PRIM2: variants seen among roughly 807,000 people sequenced by gnomAD.
The protein encoded by PRIM2 is DNA primase large subunit.
Under a neutral mutation model 67.3 loss-of-function variants are expected in PRIM2, and 39 were observed. The observed-to-expected ratio is 0.58, with a 90% CI of 0.45 to 0.76. The LOEUF (loss-of-function observed/expected upper bound fraction) is 0.76. Among genes scored for constraint, PRIM2 ranks in the 30% least tolerant of loss-of-function variants. The pLI is 0.00. For synonymous variants in PRIM2, 143 were observed against 198.7 expected, an observed-to-expected ratio of 0.72 and a Z score of 2.36; for missense variants, 398 against 598.7, an observed-to-expected ratio of 0.66 and a Z score of 3.50.
rs1179007536 is a variant in PRIM2, at chr6:57,461,438, C to T, written c.694-45949C>T. Among the ~76,000 whole-genome samples, 192 of 152,286 alleles carry T rather than the reference C, an allele frequency of 1.3e-3. 5 individuals carry two copies. In the East Asian group the frequency reaches 0.016, roughly 13 times the overall value. On this transcript the variant is annotated intron_variant, in intron 7 of 13. Transcript: ENST00000615550. ...TGACAAGTTCTGGCAACAGAAGTTTCTGGCAGATGTGTAAGTGCATTTTCA... is the reference window on the plus strand; with the variant it reads ...TGACAAGTTCTGGCAACAGAAGTTTTTGGCAGATGTGTAAGTGCATTTTCA...
intron 7 of PRIM2, among the ~76,000 whole-genome samples, chr6:57,426,848 C>T (rs1418752705): frequency 2.8e-4 from 42 of 152,158 alleles, no homozygotes; most frequent in African/African-American, 8.7e-4. Context: ...TACAATTTTC[C>T]GAAATTTTGA....
intron 7 of PRIM2, among the ~76,000 whole-genome samples, chr6:57,400,511 C>T (rs1770672118): frequency 6.6e-6 from 1 of 152,138 alleles, no homozygotes; most frequent in African/African-American, 2.4e-5. Flanking sequence ...CATGTCCTTT[C>T]TCTCTAGCTG....
At chr6:57,424,705 C>CA (rs1458369892) in intron 7 of PRIM2, among the ~76,000 whole-genome samples, 1 of 152,138 alleles carries the variant, frequency 6.6e-6, no homozygotes, top group Non-Finnish European at 1.5e-5. Flanking sequence ...ATTAAAAAGA[C>CA]ATTGAGTTGG....
intron 13 of PRIM2, among the ~76,000 whole-genome samples, chr6:57,633,271 C>T (rs1197330550): frequency 3.9e-5 from 6 of 152,176 alleles, no homozygotes; most frequent in African/African-American, 7.2e-5. Context: ...CATCCAAGAA[C>T]GGACTTTGGA....
At chr6:57,326,276 T>C in intron 5 of PRIM2, 2 of 375,394 alleles carry the variant, frequency 5.3e-6, no homozygotes, top group Non-Finnish European at 9.2e-6. Flanking sequence ...AATGTGTGCT[T>C]TATTAAAGCA....
At chr6:57,405,229 G>T (rs1770847075) in intron 7 of PRIM2, among the ~76,000 whole-genome samples, 1 of 152,290 alleles carries the variant, frequency 6.6e-6, no homozygotes, top group Non-Finnish European at 1.5e-5. Context: ...AATTTCTTCG[G>T]TCACTACAAA....
intron 7 of PRIM2, among the ~76,000 whole-genome samples, chr6:57,450,595 G>A (rs567810361): frequency 9.2e-5 from 14 of 152,170 alleles, no homozygotes; most frequent in Admixed American, 3.9e-4. Flanking sequence ...CTAATTTAAC[G>A]TGTTAATATC....
At chr6:57,642,466 G>T (rs1777259348) in intron 13 of PRIM2, among the ~76,000 whole-genome samples, 1 of 77,244 alleles carries the variant, frequency 1.3e-5, no homozygotes, top group Non-Finnish European at 2.5e-5. Flanking sequence ...TTTTTGAGAC[G>T]GAGTTTCGCT....
At chr6:57,359,251 G>A (rs896942002) in intron 5 of PRIM2, among the ~76,000 whole-genome samples, 6 of 152,210 alleles carry the variant, frequency 3.9e-5, no homozygotes, top group Non-Finnish European at 8.8e-5. Flanking sequence ...GGAGCTCTGG[G>A]ATGCCATTAA....
At chr6:57,301,798 G>A in the PRIM2 span, among the ~76,000 whole-genome samples, 1 of 152,136 alleles carries the variant, frequency 6.6e-6, no homozygotes, top group Non-Finnish European at 1.5e-5. Context: ...CTCTAGCCTG[G>A]GCGACAGGGC....
intron 12 of PRIM2, among the ~76,000 whole-genome samples, chr6:57,627,954 T>C (rs1776981409): frequency 6.6e-6 from 1 of 152,230 alleles, no homozygotes; most frequent in Non-Finnish European, 1.5e-5. Context: ...AGCATCAGAA[T>C]GGACCCTTGA....
upstream of PRIM2, among the ~76,000 whole-genome samples, chr6:57,311,270 T>C (rs1480641160): frequency 0.04 from 1,162 of 29,300 alleles, no homozygotes; most frequent in East Asian, 0.055. Flanking sequence ...CGCTCCTCAC[T>C]TCCCAGACGG....
chr6:57,314,172 G>T (rs951002882), upstream of PRIM2, among the ~76,000 whole-genome samples: 9 of 152,226 alleles, frequency 5.9e-5, no homozygotes, highest in Non-Finnish European at 1.5e-5. Flanking sequence ...TCTGTTTAAT[G>T]GGAAGCTGAA....
chr6:57,561,785 G>A (rs1286089330), intron 10 of PRIM2, among the ~76,000 whole-genome samples: 2 of 152,078 alleles, frequency 1.3e-5, no homozygotes, highest in African/African-American at 4.8e-5. Flanking sequence ...TCACAGCTTG[G>A]CTGTTTGGCA....
At chr6:57,269,025 G>C in the PRIM2 span, among the ~76,000 whole-genome samples, 2 of 151,616 alleles carry the variant, frequency 1.3e-5, no homozygotes, top group Admixed American at 1.3e-4. Context: ...TCTTAATCCA[G>C]TCTATCATTG....
chr6:57,273,516 T>C, the PRIM2 span, among the ~76,000 whole-genome samples: 1 of 152,252 alleles, frequency 6.6e-6, no homozygotes, highest in Non-Finnish European at 1.5e-5. Context: ...GTTATTCTAG[T>C]TATGCATTCG....
the PRIM2 span, among the ~76,000 whole-genome samples, chr6:57,301,929 G>A: frequency 1.3e-5 from 2 of 152,348 alleles, no homozygotes; most frequent in East Asian, 3.9e-4. Flanking sequence ...TGAATGTGAT[G>A]TAACTCTGGT....
chr6:57,288,807 G>A, the PRIM2 span, among the ~76,000 whole-genome samples: 2 of 152,126 alleles, frequency 1.3e-5, no homozygotes, highest in South Asian at 2.1e-4. Flanking sequence ...GGTTACCAAC[G>A]TCAAAGACCA....
At chr6:57,638,745 G>C (rs1317303389) in intron 13 of PRIM2, among the ~76,000 whole-genome samples, 1 of 151,992 alleles carries the variant, frequency 6.6e-6, no homozygotes, top group African/African-American at 2.4e-5. Flanking sequence ...ATACAGGAGT[G>C]GCCAGATTCA....
Sources: gnomAD v4.1 joint callset for allele counts (sites outside exome capture counted in the v4.1 genomes callset) on GRCh38, gnomAD v4.1.1 for gene constraint, MANE v1.5 for transcripts, NCBI Gene and HGNC (gene_info 2026-07-23, HGNC 2026-07-21) for gene names.